The following TXNDC11 variants were observed in gnomAD, a reference collection of about 807,000 sequenced individuals.
TXNDC11 encodes the protein thioredoxin domain containing 11, also known as thioredoxin domain-containing protein 11.
TXNDC11 carries 68 observed loss-of-function variants against 78.0 expected under a neutral mutation model. The ratio of observed to expected loss-of-function variants is 0.87; its 90% CI spans 0.72 to 1.07. The LOEUF (loss-of-function observed/expected upper bound fraction) is 1.07. Among genes scored for constraint, TXNDC11 ranks in the 50% least tolerant of loss-of-function variants. The pLI is 0.00. For synonymous variants in TXNDC11, 571 were observed against 495.2 expected, an observed-to-expected ratio of 1.15 and a Z score of -2.03; for missense variants, 1,389 against 1,221.8, an observed-to-expected ratio of 1.14 and a Z score of -2.04.
At chr16:11,711,154 C>T (rs533788298) in intron 5 of TXNDC11, among the ~76,000 whole-genome samples, 2 of 151,306 alleles carry the variant, frequency 1.3e-5, no homozygotes, top group East Asian at 1.9e-4. Flanking sequence ...ACAGGCAAAG[C>T]CAAGAGGGAA....
intron 5 of TXNDC11, chr16:11,703,531 CACA>C (rs2051093762): frequency 1.8e-6 from 1 of 546,342 alleles, no homozygotes. Context: ...CACACACACA[CACA>C]CACACACACA....
chr16:11,740,335 A>T (rs751584362), intron 1 of TXNDC11, among the ~76,000 whole-genome samples: 1 of 152,172 alleles, frequency 6.6e-6, no homozygotes, highest in Non-Finnish European at 1.5e-5. Flanking sequence ...AAGACTGTCA[A>T]ATTTGCCAGT....
At chr16:11,721,476 G>A (rs59025803) in intron 5 of TXNDC11, 101 bp downstream of exon 5, 54,672 of 642,814 alleles carry the variant, frequency 0.085, 3,022 homozygotes, top group South Asian at 0.18. Flanking sequence ...TTGAGAAAAG[G>A]AATCAAGCAA....
At chr16:11,733,135 T>C (rs1329326870) in intron 3 of TXNDC11, among the ~76,000 whole-genome samples, 4 of 152,076 alleles carry the variant, frequency 2.6e-5, no homozygotes, top group African/African-American at 9.7e-5. Flanking sequence ...CAGGCACCTG[T>C]AATCCCAGCT....
intron 11 of TXNDC11, among the ~76,000 whole-genome samples, chr16:11,683,746 C>A (rs1349871098): frequency 7.2e-6 from 1 of 139,826 alleles, no homozygotes; most frequent in Non-Finnish European, 1.5e-5. Flanking sequence ...TCCCTAAGGA[C>A]ACTTTTTTTT....
chr16:11,721,819 A>G, intron 4 of TXNDC11, 149 bp from the exon 5 acceptor site: 1 of 505,026 alleles, frequency 2.0e-6, no homozygotes, highest in Non-Finnish European at 3.6e-6. Context: ...CATGATAAAA[A>G]TTTCAGGTTG....
At chr16:11,735,917 G>C (rs2052205857) in intron 2 of TXNDC11, 100 bp downstream of exon 2, 1 of 1,149,822 alleles carries the variant, frequency 8.7e-7, no homozygotes, top group African/African-American at 1.5e-5. Flanking sequence ...AGTTCACCTT[G>C]GCAAAGTCTG....
chr16:11,691,915 G>A lies in TXNDC11; in HGVS notation c.1275C>T (p.Asn425=), dbSNP rs2050729803. The A allele has an allele frequency of 1.2e-6, 2 of 1,613,766 alleles. No homozygotes were observed. Among genetic ancestry groups the A allele is most frequent in the African/African-American group, 1.3e-5 (1 of 75,070 alleles). The change falls in exon 8 of 12, where the codon AAC becomes AAT. Residue 425 remains asparagine, a synonymous_variant. Coordinates refer to ENST00000283033, the MANE Select transcript of TXNDC11 (RefSeq NM_015914.7). ...AGTGCCACTGGGGCAGCACCACAGT[G>A]TTGCAGCAGGGGGACGCTGTGATCG... ...PPTITASPCC[N]TVVLPQWHSF...
intron 3 of TXNDC11, among the ~76,000 whole-genome samples, chr16:11,733,637 G>A (rs1017201122): frequency 3.0e-4 from 45 of 152,316 alleles, no homozygotes; most frequent in African/African-American, 5.8e-4. Flanking sequence ...CAGATGAAAC[G>A]ATAAGAAATT....
chr16:11,719,643 T>C (rs2051643651), intron 5 of TXNDC11, among the ~76,000 whole-genome samples: 1 of 152,220 alleles, frequency 6.6e-6, no homozygotes, highest in Non-Finnish European at 1.5e-5. Context: ...ATTAATGTGA[T>C]CACTTGCTTG....
At chr16:11,733,550 A>T (rs2052120724) in intron 3 of TXNDC11, among the ~76,000 whole-genome samples, 2 of 152,276 alleles carry the variant, frequency 1.3e-5, no homozygotes, top group South Asian at 4.1e-4. Flanking sequence ...AATTGTGGAC[A>T]TGGGACTGTG....
intron 5 of TXNDC11, among the ~76,000 whole-genome samples, chr16:11,718,504 G>A (rs750195436): frequency 3.3e-5 from 5 of 151,072 alleles, no homozygotes; most frequent in African/African-American, 4.9e-5. Flanking sequence ...TTTTTTAAAT[G>A]TGCATGTGTT....
Position 11,742,769 on chromosome 16 carries a change from G to T in TXNDC11, c.-39C>A, listed in dbSNP as rs2141139341. ...TCGCCGGCTTTATACCGCCGCCGCC[G>T]CCTCGGGCCCGAAGGCCCGGCCCGG... On this transcript the variant is annotated 5_prime_UTR_variant, in exon 1 of 12. Transcript: ENST00000283033. 1 of 1,419,088 alleles carries T rather than the reference G, an allele frequency of 7.0e-7. No homozygotes were observed. The highest frequency in any genetic ancestry group is 1.5e-5 in the South Asian group (1 of 64,846). 87.9% of individuals were successfully genotyped at this position (1,419,088 alleles called of 1,614,324 possible). A position where few individuals can be genotyped will look rare whatever the true frequency, so the allele number is the denominator to read the frequency against.
intron 11 of TXNDC11, 134 bp downstream of exon 11, chr16:11,684,031 A>G (rs2050501227): frequency 1.7e-6 from 1 of 599,738 alleles, no homozygotes; most frequent in Non-Finnish European, 3.0e-6. Context: ...GATTACAGGC[A>G]TGAGCCACCA....
rs2050339800 is a variant in TXNDC11 at position 11,679,188 on chromosome 16, TAA to T, written c.*5_*6del. The T allele has an allele frequency of 6.2e-7, 1 of 1,611,584 alleles. No individual in the cohort carries two copies. Among genetic ancestry groups the T allele is most frequent in the Non-Finnish European group, 8.5e-7 (1 of 1,179,452 alleles). On this transcript the variant is annotated 3_prime_UTR_variant, in exon 12 of 12. Coordinates refer to ENST00000283033, the MANE Select transcript of TXNDC11 (RefSeq NM_015914.7). The surrounding 1 kb of genome is among the most constrained non-coding windows in gnomAD (Gnocchi z 4.6). ...TCACCTCTGATTTCTTCATATCATT[TAA>T]AAAGTTAGTCTGTCCTGTTCTCCTT...
chr16:11,687,772 G>A, intron 10 of TXNDC11, 85 bp downstream of exon 10: 1 of 908,158 alleles, frequency 1.1e-6, no homozygotes, highest in Non-Finnish European at 1.8e-6. Flanking sequence ...AAAATGGGCA[G>A]ACCCTCACAC....
intron 5 of TXNDC11, among the ~76,000 whole-genome samples, chr16:11,719,400 A>G (rs1291442567): frequency 6.6e-6 from 1 of 152,230 alleles, no homozygotes; most frequent in African/African-American, 2.4e-5. Context: ...TGTGCAGCTC[A>G]AAGTCTTTCA....
At chr16:11,685,476 C>T (rs930650886) in intron 10 of TXNDC11, among the ~76,000 whole-genome samples, 3 of 151,928 alleles carry the variant, frequency 2.0e-5, no homozygotes, top group African/African-American at 4.8e-5. Context: ...AAACGCCACC[C>T]GTCTCTACTA....
chr16:11,696,416 T>C (rs1597426822), intron 7 of TXNDC11, among the ~76,000 whole-genome samples: 2 of 152,314 alleles, frequency 1.3e-5, no homozygotes, highest in South Asian at 2.1e-4. Context: ...CTTTGAATTA[T>C]AGGCAGGCTT....
Sources: gnomAD v4.1 joint callset for allele counts (sites outside exome capture counted in the v4.1 genomes callset) on GRCh38, gnomAD v4.1.1 for gene constraint, Gnocchi (gnomAD v3.1) non-coding constraint, MANE v1.5 for transcripts, NCBI Gene and HGNC (gene_info 2026-07-23, HGNC 2026-07-21) for gene names.